The following TMEM273 variants were observed in gnomAD, a reference collection of about 807,000 sequenced individuals.
TMEM273 encodes transmembrane protein 273.
TMEM273 carries 19 observed loss-of-function variants against 17.9 expected under a neutral mutation model. The observed-to-expected ratio is 1.06, with a 90% CI of 0.74 to 1.55. The LOEUF (loss-of-function observed/expected upper bound fraction) is 1.55, where lower values mean the gene tolerates loss of function less well. TMEM273 is among the 40% of genes most tolerant of loss of function. The pLI, the probability that TMEM273 is intolerant of heterozygous loss-of-function variation, is 0.00. For synonymous variants in TMEM273, 66 were observed against 62.0 expected (o/e 1.07, Z -0.31); for missense variants, 194 against 155.6 (o/e 1.25, Z -1.31).
intron 6 of TMEM273, chr10:49,161,271 T>C (rs149230670): frequency 8.7e-6 from 3 of 345,486 alleles, no homozygotes; most frequent in East Asian, 9.8e-5. Flanking sequence ...ATGGACTAAA[T>C]TGGCTAATTA....
intron 1 of TMEM273, among the ~76,000 whole-genome samples, chr10:49,173,790 G>T (rs1846747799): frequency 6.6e-6 from 1 of 152,240 alleles, no homozygotes; most frequent in African/African-American, 2.4e-5. Context: ...GGCTTGAAGA[G>T]ATAAGATCTA....
chr10:49,159,563 T>C (rs1200500782), intron 6 of TMEM273, among the ~76,000 whole-genome samples: 1 of 152,184 alleles, frequency 6.6e-6, no homozygotes, highest in Non-Finnish European at 1.5e-5. Flanking sequence ...TGATATTGAG[T>C]GTGTAATTTA....
chr10:49,165,071 A>G (rs779117774), intron 5 of TMEM273, 134 bp downstream of exon 5: 1 of 1,314,508 alleles, frequency 7.6e-7, no homozygotes, highest in Non-Finnish European at 1.0e-6. Context: ...CGGAGCTTAC[A>G]TTTTAGAAAA....
chr10:49,169,982 A>G (rs1346555018), intron 1 of TMEM273, among the ~76,000 whole-genome samples: 1 of 152,138 alleles, frequency 6.6e-6, no homozygotes, highest in Non-Finnish European at 1.5e-5. Context: ...CCTGAGCCCC[A>G]GGCTCACCCC....
At chr10:49,157,136 T>C (rs1845559668) in intron 6 of TMEM273, among the ~76,000 whole-genome samples, 1 of 152,214 alleles carries the variant, frequency 6.6e-6, no homozygotes, top group Non-Finnish European at 1.5e-5. Flanking sequence ...GAGATATCAA[T>C]GCCCAGAGTA....
intron 5 of TMEM273, among the ~76,000 whole-genome samples, chr10:49,162,552 T>A (rs1845913206): frequency 6.6e-6 from 1 of 152,182 alleles, no homozygotes. Context: ...CAAGGTAGCG[T>A]CCCTGTGCTG....
At chr10:49,161,924 C>T (rs1342303207) in intron 5 of TMEM273, among the ~76,000 whole-genome samples, 1 of 152,150 alleles carries the variant, frequency 6.6e-6, no homozygotes, top group Admixed American at 6.5e-5. Context: ...CCAGCCATTG[C>T]CTCCCAGCCT....
At chr10:49,172,586 C>T (rs970739176) in intron 1 of TMEM273, among the ~76,000 whole-genome samples, 1 of 152,212 alleles carries the variant, frequency 6.6e-6, no homozygotes, top group African/African-American at 2.4e-5. Context: ...TTCACTATGA[C>T]CTCATGATGG....
At chr10:49,182,598 T>C (rs189817132) in intron 1 of TMEM273, among the ~76,000 whole-genome samples, 2 of 152,182 alleles carry the variant, frequency 1.3e-5, no homozygotes, top group Non-Finnish European at 2.9e-5. Context: ...TGGATGGAAT[T>C]AGAGTCCACA....
chr10:49,184,559 A>G (rs1006500996), intron 1 of TMEM273, among the ~76,000 whole-genome samples: 1 of 152,250 alleles, frequency 6.6e-6, no homozygotes, highest in Non-Finnish European at 1.5e-5. Flanking sequence ...AGTGATTAGG[A>G]ACACACAAAC....
At chr10:49,176,264 G>A (rs556434140) in intron 1 of TMEM273, among the ~76,000 whole-genome samples, 1 of 152,346 alleles carries the variant, frequency 6.6e-6, no homozygotes, top group African/African-American at 2.4e-5. Flanking sequence ...GGGGAGCCAA[G>A]CACACCGGGA....
At chr10:49,172,120 C>A (rs1846614191) in intron 1 of TMEM273, among the ~76,000 whole-genome samples, 1 of 152,208 alleles carries the variant, frequency 6.6e-6, no homozygotes, top group Non-Finnish European at 1.5e-5. Context: ...AACTTTAGAG[C>A]TCATGAATTC....
chr10:49,178,330 C>T (rs943484294), intron 1 of TMEM273: 2 of 456,524 alleles, frequency 4.4e-6, no homozygotes, highest in African/African-American at 2.0e-5. Context: ...TGTTCCACTT[C>T]GGGCAATAAT....
chr10:49,177,262 A>T (rs1242662083), intron 1 of TMEM273, among the ~76,000 whole-genome samples: 1 of 152,174 alleles, frequency 6.6e-6, no homozygotes, highest in Non-Finnish European at 1.5e-5. Context: ...GTTATCTGGG[A>T]ATCTGGTCTT....
chr10:49,161,369 G>A, intron 6 of TMEM273: 2 of 596,442 alleles, frequency 3.4e-6, no homozygotes, highest in South Asian at 4.3e-5. Context: ...GCTCTAACTG[G>A]GCAAATGCCC....
chr10:49,180,856 A>T (rs1412915345), intron 1 of TMEM273, among the ~76,000 whole-genome samples: 2 of 152,228 alleles, frequency 1.3e-5, no homozygotes, highest in African/African-American at 4.8e-5. Flanking sequence ...TAAGATCAGG[A>T]ACAAAGCAAG....
At chr10:49,163,201 G>A (rs375613659) in intron 5 of TMEM273, among the ~76,000 whole-genome samples, 2 of 152,128 alleles carry the variant, frequency 1.3e-5, no homozygotes, top group South Asian at 4.2e-4. Context: ...GTGGATTTGG[G>A]GGCACTGGGA....
intron 1 of TMEM273, among the ~76,000 whole-genome samples, chr10:49,168,998 G>C (rs1399816628): frequency 1.4e-5 from 2 of 147,512 alleles, no homozygotes; most frequent in Admixed American, 6.7e-5. Flanking sequence ...GCAAAATGAG[G>C]AACGGGAGGC....
At chr10:49,180,523 A>G (rs1253168624) in intron 1 of TMEM273, among the ~76,000 whole-genome samples, 4 of 152,188 alleles carry the variant, frequency 2.6e-5, no homozygotes, top group African/African-American at 7.2e-5. Flanking sequence ...CGACAGAATG[A>G]TATCTGAGGA....
Sources: allele counts gnomAD v4.1 joint callset (sites outside exome capture counted in the v4.1 genomes callset), GRCh38; gene constraint gnomAD v4.1.1; transcripts MANE v1.5; gene names NCBI Gene and HGNC (gene_info 2026-07-23, HGNC 2026-07-21).